The following PRKG1 variants were observed in gnomAD, a reference collection of about 807,000 sequenced individuals.
PRKG1 encodes cGMP-dependent protein kinase 1.
A neutral mutation model predicts 88.1 loss-of-function variants in PRKG1; 35 were observed. That is an observed-to-expected ratio of 0.40 (90% CI 0.30 to 0.53). The LOEUF is 0.53. Ranked by LOEUF, PRKG1 falls within the 20% of genes least tolerant of loss-of-function variation. PRKG1 has a pLI of 0.59. For synonymous variants in PRKG1, 303 were observed against 292.5 expected (o/e 1.04, Z -0.37); for missense variants, 540 against 839.8 (o/e 0.64, Z 4.41).
intron 1 of PRKG1, among the ~76,000 whole-genome samples, chr10:51,121,107 A>G (rs1014367623): frequency 1.3e-5 from 2 of 152,144 alleles, no homozygotes; most frequent in Admixed American, 6.6e-5. Flanking sequence ...CATTACTGAG[A>G]TCATCTCTCC....
At chr10:51,581,652 G>A (rs1838039473) in intron 3 of PRKG1, among the ~76,000 whole-genome samples, 1 of 152,070 alleles carries the variant, frequency 6.6e-6, no homozygotes, top group Non-Finnish European at 1.5e-5. Context: ...GCTCATTCTG[G>A]CAGTCCAACC....
At chr10:52,196,379 T>C (rs1408529460) in intron 9 of PRKG1, among the ~76,000 whole-genome samples, 2 of 152,164 alleles carry the variant, frequency 1.3e-5, no homozygotes, top group Admixed American at 6.5e-5. Context: ...ACCTAAAAGA[T>C]GCATTCAAGA....
chr10:51,980,921 T>C (rs182132409), intron 5 of PRKG1, among the ~76,000 whole-genome samples: 2 of 152,332 alleles, frequency 1.3e-5, no homozygotes, highest in East Asian at 3.9e-4. Flanking sequence ...CCAATGGGTC[T>C]TGCTTCTTTA....
intron 3 of PRKG1, among the ~76,000 whole-genome samples, chr10:51,661,014 T>C (rs1840285237): frequency 7.5e-6 from 1 of 133,598 alleles, no homozygotes; most frequent in South Asian, 2.8e-4. Flanking sequence ...CATTTCATTC[T>C]GTGAGCAGAG....
At chr10:51,433,327 T>A (rs1207711184) in intron 2 of PRKG1, among the ~76,000 whole-genome samples, 1 of 152,076 alleles carries the variant, frequency 6.6e-6, no homozygotes. Flanking sequence ...AGTATGAGCT[T>A]TAAAATCAGA....
chr10:52,215,480 G>A (rs902973916), intron 9 of PRKG1, among the ~76,000 whole-genome samples: 1 of 151,812 alleles, frequency 6.6e-6, no homozygotes, highest in African/African-American at 2.4e-5. Context: ...CATTTAGATA[G>A]TTAAAGCAAC....
Position 52,078,014 on chromosome 10 carries a change from C to T in PRKG1, c.935+15383C>T, listed in dbSNP as rs1231647142. Among the ~76,000 whole-genome samples, 61 of 152,268 alleles carry T rather than the reference C, an allele frequency of 4.0e-4. 1 individual carries two copies. The highest frequency in any genetic ancestry group is 3.3e-3 in the Admixed American group (51 of 15,292). On this transcript the variant is annotated intron_variant, in intron 7 of 17. Coordinates refer to ENST00000373980, the MANE Select transcript of PRKG1 (RefSeq NM_006258.4). ...GACAGTTGTCTGCCGCCCAGATGGC[C>T]GACTGCCACTCTCACTGTCTACTCG... is the stretch of plus-strand genomic sequence containing the variant.
At chr10:51,939,592 ATT>A (rs11301177) in intron 5 of PRKG1, among the ~76,000 whole-genome samples, 3,202 of 148,066 alleles carry the variant, frequency 0.022, 98 homozygotes, top group African/African-American at 0.071. Flanking sequence ...TATAAACTTA[ATT>A]TTTTTTTTTT....
chr10:51,935,505 T>C (rs1439775743), intron 5 of PRKG1, among the ~76,000 whole-genome samples: 1 of 152,112 alleles, frequency 6.6e-6, no homozygotes, highest in Admixed American at 6.6e-5. Context: ...ATAAAAATGT[T>C]TTAACCTTGG....
chr10:51,923,589 A>G (rs1397971387), intron 5 of PRKG1, among the ~76,000 whole-genome samples: 2 of 151,290 alleles, frequency 1.3e-5, no homozygotes, highest in African/African-American at 4.9e-5. Context: ...TGAGTTTGCA[A>G]CATACCACCA....
At chr10:51,753,633 T>G (rs1477027392) in intron 3 of PRKG1, among the ~76,000 whole-genome samples, 1 of 152,196 alleles carries the variant, frequency 6.6e-6, no homozygotes, top group Non-Finnish European at 1.5e-5. Context: ...GCCCAATGCC[T>G]TGTTCATAGT....
At chr10:51,714,424 G>A (rs139817689) in intron 3 of PRKG1, among the ~76,000 whole-genome samples, 185 of 152,272 alleles carry the variant, frequency 1.2e-3, no homozygotes, top group Non-Finnish European at 2.1e-3. Context: ...CCTTCAATCA[G>A]GTGGGAGACT....
rs753172182 is a variant in PRKG1, at chr10:51,408,916, A to G, written c.479-58807A>G. 1.4e-4 allele frequency among the ~76,000 whole-genome samples: 21 copies of G among 152,218 alleles called. 1 individual carries two copies. The highest frequency in any genetic ancestry group is 3.3e-4 in the Admixed American group (5 of 15,278). On this transcript the variant is annotated intron_variant, in intron 2 of 17. Transcript: ENST00000373980. ...TGATCTTCACAGTTTTTGACCACTC[A>G]GAGAGGTCCATCCACACACCTCTTC... is the stretch of plus-strand genomic sequence containing the variant.
chr10:51,889,165 T>A (rs1284109666), intron 4 of PRKG1, among the ~76,000 whole-genome samples: 1 of 150,906 alleles, frequency 6.6e-6, no homozygotes, highest in Non-Finnish European at 1.5e-5. Flanking sequence ...ACCCATTAAC[T>A]CGTCATTTAC....
chr10:51,201,400 C>T (rs113924119), intron 2 of PRKG1, among the ~76,000 whole-genome samples: 3,102 of 151,970 alleles, frequency 0.02, 48 homozygotes, highest in Middle Eastern at 0.051. Flanking sequence ...TGCAGTGAGC[C>T]GAGATTGTGC....
intron 9 of PRKG1, chr10:52,230,666 G>A (rs1840499214): frequency 1.3e-5 from 2 of 152,190 alleles, no homozygotes; most frequent in Admixed American, 6.5e-5. Context: ...CATGGATATA[G>A]TATAGGGACA....
chr10:51,915,644 A>G (rs924389286), intron 5 of PRKG1, among the ~76,000 whole-genome samples: 4 of 152,150 alleles, frequency 2.6e-5, no homozygotes, highest in Admixed American at 2.6e-4. Flanking sequence ...CGGTATTAAT[A>G]TCTCCACGTC....
intron 2 of PRKG1, among the ~76,000 whole-genome samples, chr10:51,332,213 A>G (rs1265967958): frequency 2.6e-5 from 4 of 152,194 alleles, no homozygotes; most frequent in Non-Finnish European, 5.9e-5. Context: ...GTTTATTTTT[A>G]CAGGGAAGAC....
At chr10:52,166,819 G>GTATATATGTATATATATATATA (rs1564498484) in intron 9 of PRKG1, among the ~76,000 whole-genome samples, 1 of 55,314 alleles carries the variant, frequency 1.8e-5, no homozygotes, top group South Asian at 6.0e-4. Context: ...GTATATATAT[G>GTATATATGTATATATATATATA]TATATATATG....
Sources: allele counts gnomAD v4.1 joint callset (sites outside exome capture counted in the v4.1 genomes callset), GRCh38; gene constraint gnomAD v4.1.1; transcripts MANE v1.5; gene names NCBI Gene and HGNC (gene_info 2026-07-23, HGNC 2026-07-21).